Variants in TLE4 observed in about 807,000 individuals in gnomAD.
TLE4 encodes transducin-like enhancer protein 4.
In TLE4, 8 loss-of-function variants were observed where a neutral mutation model predicts 92.8. The observed-to-expected ratio is 0.09, with a 90% CI of 0.05 to 0.16. The LOEUF is 0.16. Ranked by LOEUF, TLE4 falls within the 10% of genes least tolerant of loss-of-function variation. The pLI, the probability that TLE4 is intolerant of heterozygous loss-of-function variation, is 1.00. For synonymous variants in TLE4, 371 were observed against 374.1 expected, an observed-to-expected ratio of 0.99 and a Z score of 0.10; for missense variants, 675 against 997.6, an observed-to-expected ratio of 0.68 and a Z score of 4.36.
At position 79,659,225 on chromosome 9, in the gene TLE4, T is replaced by C. The variant is rs559373252; in HGVS notation, c.609+5150T>C. Among the ~76,000 whole-genome samples, 6 of 152,320 alleles carry C rather than the reference T, an allele frequency of 3.9e-5. No individual in the cohort carries two copies. In the South Asian group the frequency reaches 1.0e-3, roughly 26 times the overall value. On this transcript the variant is annotated intron_variant, in intron 8 of 19. Coordinates refer to ENST00000376552, the MANE Select transcript of TLE4 (RefSeq NM_007005.6). ...CAGTTTCATTCTCAGTTATTAAAAA[T>C]CTGAAACATACTACAAAGTACAAAG...
intron 5 of TLE4, among the ~76,000 whole-genome samples, chr9:79,623,486 G>A (rs1223685396): frequency 6.6e-6 from 1 of 152,090 alleles, no homozygotes; most frequent in African/African-American, 2.4e-5. Context: ...ATTTTATGAT[G>A]ATGGAAGTAA....
At chr9:79,697,672 A>G (rs1254981520) in intron 8 of TLE4, among the ~76,000 whole-genome samples, 1 of 152,164 alleles carries the variant, frequency 6.6e-6, no homozygotes, top group Non-Finnish European at 1.5e-5. Context: ...AGAGGACATT[A>G]AGATAATGTT....
chr9:79,642,493 T>G (rs2133961898), intron 6 of TLE4, among the ~76,000 whole-genome samples: 1 of 152,082 alleles, frequency 6.6e-6, no homozygotes, highest in Admixed American at 6.6e-5. Flanking sequence ...TTCCCTTAGC[T>G]TGGTGACTTT....
At chr9:79,610,613 G>T (rs2048145115) in intron 4 of TLE4, among the ~76,000 whole-genome samples, 1 of 152,032 alleles carries the variant, frequency 6.6e-6, no homozygotes, top group South Asian at 2.1e-4. Flanking sequence ...AAATTAAGAA[G>T]TCTTTTAAAC....
chr9:79,601,588 A>G (rs1380559073), intron 4 of TLE4: 3 of 418,588 alleles, frequency 7.2e-6, no homozygotes, highest in South Asian at 5.2e-5. Context: ...CTTTGATGTT[A>G]CTATTGTAAT....
At chr9:79,629,923 G>C (rs1049875747) in intron 6 of TLE4, among the ~76,000 whole-genome samples, 18 of 152,134 alleles carry the variant, frequency 1.2e-4, no homozygotes, top group African/African-American at 4.1e-4. Flanking sequence ...AGCGTAGATG[G>C]CTGGCTGAGT....
intron 4 of TLE4, 51 bp downstream of exon 4, chr9:79,576,228 A>G (rs1564079541): frequency 3.0e-6 from 4 of 1,316,226 alleles, no homozygotes; most frequent in Non-Finnish European, 4.2e-6. Context: ...CTGGGACACT[A>G]TGAAAAGAAA....
intron 14 of TLE4, among the ~76,000 whole-genome samples, chr9:79,716,774 C>G (rs2074577501): frequency 6.6e-6 from 1 of 152,218 alleles, no homozygotes; most frequent in African/African-American, 2.4e-5. Flanking sequence ...GTTCACTGCA[C>G]TGACCATCTG....
chr9:79,598,172 C>G (rs1157996699), intron 4 of TLE4, among the ~76,000 whole-genome samples: 2 of 151,292 alleles, frequency 1.3e-5, no homozygotes, highest in African/African-American at 4.9e-5. Flanking sequence ...TTGCTTGAAC[C>G]CAGGGGGCGG....
intron 6 of TLE4, among the ~76,000 whole-genome samples, chr9:79,634,385 G>T (rs2055152668): frequency 6.6e-6 from 1 of 152,140 alleles, no homozygotes; most frequent in Admixed American, 6.6e-5. Context: ...ACATAAGAAT[G>T]AAGCAGCATA....
intron 4 of TLE4, among the ~76,000 whole-genome samples, chr9:79,609,992 A>G (rs1270590074): frequency 1.3e-5 from 2 of 152,076 alleles, no homozygotes; most frequent in South Asian, 2.1e-4. Context: ...TGAAATTCAA[A>G]TGTGTGTTGT....
chr9:79,638,681 T>A (rs2056511046), intron 6 of TLE4, among the ~76,000 whole-genome samples: 1 of 152,140 alleles, frequency 6.6e-6, no homozygotes, highest in African/African-American at 2.4e-5. Flanking sequence ...TTTCTTTATT[T>A]CCCTAGAGTG....
intron 6 of TLE4, among the ~76,000 whole-genome samples, chr9:79,639,193 C>T (rs1172618206): frequency 1.3e-5 from 2 of 151,878 alleles, no homozygotes; most frequent in Non-Finnish European, 2.9e-5. Flanking sequence ...GACCCAGAGC[C>T]CTGATAATGT....
chr9:79,713,909 G>A (rs974683807), intron 14 of TLE4, among the ~76,000 whole-genome samples: 3 of 152,072 alleles, frequency 2.0e-5, no homozygotes, highest in African/African-American at 4.8e-5. Flanking sequence ...TGTCACCCAC[G>A]CTGGAGTGTA....
intron 1 of TLE4, 119 bp from the exon 2 acceptor site, chr9:79,573,570 C>T (rs1247623159): frequency 7.6e-6 from 7 of 915,542 alleles, no homozygotes; most frequent in Non-Finnish European, 1.1e-5. Context: ...GTTTTAATCT[C>T]TCTTTGCTTG....
intron 8 of TLE4, among the ~76,000 whole-genome samples, chr9:79,680,232 A>G (rs2064225161): frequency 6.7e-6 from 1 of 150,326 alleles, no homozygotes; most frequent in Admixed American, 6.6e-5. Flanking sequence ...CATGATATTG[A>G]TTCTTCCTAC....
At chr9:79,627,739 G>T in intron 6 of TLE4, 1 of 341,574 alleles carries the variant, frequency 2.9e-6, no homozygotes, top group Non-Finnish European at 5.3e-6. Flanking sequence ...GCTAACCTAG[G>T]CCAAAAAAAA....
intron 6 of TLE4, among the ~76,000 whole-genome samples, chr9:79,635,631 A>G (rs1175215544): frequency 2.6e-5 from 4 of 151,236 alleles, no homozygotes; most frequent in African/African-American, 9.7e-5. Context: ...CTATTTGTTG[A>G]AAAGGCTATC....
chr9:79,699,264 T>A (rs1020343979), intron 8 of TLE4, among the ~76,000 whole-genome samples: 1 of 152,142 alleles, frequency 6.6e-6, no homozygotes, highest in African/African-American at 2.4e-5. Flanking sequence ...GGTTATGGCA[T>A]CAGTAAAGGA....
Sources: gnomAD v4.1 joint callset for allele counts (sites outside exome capture counted in the v4.1 genomes callset) on GRCh38, gnomAD v4.1.1 for gene constraint, MANE v1.5 for transcripts, NCBI Gene and HGNC (gene_info 2026-07-23, HGNC 2026-07-21) for gene names.